PCDHGB6: variants seen among roughly 807,000 people sequenced by gnomAD.
PCDHGB6 encodes protocadherin gamma-B6.
PCDHGB6 carries 51 observed loss-of-function variants against 59.1 expected under a neutral mutation model. The ratio of observed to expected loss-of-function variants is 0.86; its 90% CI spans 0.69 to 1.09. The LOEUF (loss-of-function observed/expected upper bound fraction) is 1.09, where lower values mean the gene tolerates loss of function less well. Ranked by LOEUF, PCDHGB6 falls within the 50% of genes least tolerant of loss-of-function variation. The pLI is 0.00. For missense variants in PCDHGB6, 1,148 were observed against 1,205.1 expected (o/e 0.95, Z 0.70); for synonymous variants, 466 against 495.1 (o/e 0.94, Z 0.78).
chr5:141,507,101 T>C (rs1341285140), intron 3 of PCDHGB6: 2 of 152,204 alleles, frequency 1.3e-5, no homozygotes, highest in African/African-American at 2.4e-5. Flanking sequence ...CTTTCTACTA[T>C]AGGGACCATG....
intron 2 of PCDHGB6, among the ~76,000 whole-genome samples, chr5:141,496,279 G>C (rs902362885): frequency 1.3e-5 from 2 of 152,198 alleles, no homozygotes; most frequent in Non-Finnish European, 2.9e-5. Context: ...ACCTTCAGTT[G>C]GTCTGAGCAG....
At chr5:141,507,833 G>C (rs1184502436) in intron 3 of PCDHGB6, among the ~76,000 whole-genome samples, 2 of 152,172 alleles carry the variant, frequency 1.3e-5, no homozygotes, top group East Asian at 3.9e-4. Flanking sequence ...GGAGGTGGTG[G>C]GTCAGGCCCT....
Position 141,441,798 on chromosome 5 carries a change from CGGGT to C in PCDHGB6, c.2418+31180_2418+31183del, listed in dbSNP as rs1242635625. 6.4e-4 allele frequency: 248 copies of C among 387,326 alleles called. 2 individuals are homozygous for C. The highest frequency in any genetic ancestry group is 4.8e-3 in the African/African-American group (220 of 46,120). 24.0% of individuals were successfully genotyped at this position (387,326 alleles called of 1,614,324 possible). A position where few individuals can be genotyped will look rare whatever the true frequency, so the allele number is the denominator to read the frequency against. ...GGACGACCTGAATGACAACGCACCG[CGGGT>C]GCTGTACCCCAGCTCTGGAGCGCAA... On this transcript the variant is annotated intron_variant, in intron 1 of 3. Transcript: ENST00000520790.
chr5:141,428,459 A>C, intron 1 of PCDHGB6: 2 of 350,154 alleles, frequency 5.7e-6, no homozygotes, highest in Non-Finnish European at 5.5e-6. Context: ...CCCAACTACA[A>C]TGAGGGAACT....
intron 1 of PCDHGB6, chr5:141,428,732 T>C (rs976924838): frequency 1.3e-5 from 2 of 159,284 alleles, no homozygotes; most frequent in African/African-American, 4.8e-5. Context: ...CTTAAACATA[T>C]TATATCTACT....
At position 141,432,325 on chromosome 5, in the gene PCDHGB6, C is replaced by A; in HGVS notation, c.2418+21705C>A. 6.2e-7 allele frequency: 1 copy of A among 1,614,260 alleles called. No individual in the cohort carries two copies. The highest frequency in any genetic ancestry group is 1.1e-5 in the South Asian group (1 of 91,092). On this transcript the variant is annotated intron_variant, in intron 1 of 3. Transcript: ENST00000520790. The surrounding 1 kb of genome is among the most constrained non-coding windows in gnomAD (Gnocchi z 6.0). The stretch of plus-strand genomic sequence containing the variant: ...TGTATGCGCTGAGCTCCTTCGACTA[C>A]GAGCAGTTCCGAGACTTGCAAGTGA...
At chr5:141,418,655 G>A in intron 1 of PCDHGB6, 5 of 1,614,002 alleles carry the variant, frequency 3.1e-6, no homozygotes, top group Non-Finnish European at 4.2e-6. Flanking sequence ...GAGAGTGAAG[G>A]CCACTGACCA....
At chr5:141,503,396 A>G (rs1025780031) in intron 2 of PCDHGB6, among the ~76,000 whole-genome samples, 2 of 151,944 alleles carry the variant, frequency 1.3e-5, no homozygotes, top group African/African-American at 2.4e-5. Flanking sequence ...GGAGTTCGAA[A>G]CCAACCTGGC....
At chr5:141,447,642 T>G (rs1275164919) in intron 1 of PCDHGB6, among the ~76,000 whole-genome samples, 2 of 152,166 alleles carry the variant, frequency 1.3e-5, no homozygotes, top group Non-Finnish European at 2.9e-5. Flanking sequence ...TGAATGATGG[T>G]AGAATTTTCC....
chr5:141,487,533 T>C lies in PCDHGB6; in HGVS notation c.2419-7274T>C. On this transcript the variant is annotated intron_variant, in intron 1 of 3. Coordinates refer to ENST00000520790, the MANE Select transcript of PCDHGB6 (RefSeq NM_018926.3). This position sits in a 1 kb window ranked among gnomAD's most constrained non-coding sequence, Gnocchi z 5.0. The stretch of plus-strand genomic sequence containing the variant: ...CCCACTCGGAGTGATAGCTTCATGA[T>C]GGTGAAGTCACCCAGTGCACCTATG... 6.2e-7 allele frequency: 1 copy of C among 1,614,186 alleles called. No individual in the cohort carries two copies. Among genetic ancestry groups the C allele is most frequent in the South Asian group, 1.1e-5 (1 of 91,080 alleles).
intron 2 of PCDHGB6, among the ~76,000 whole-genome samples, chr5:141,500,231 C>T (rs992215482): frequency 1.4e-5 from 2 of 138,098 alleles, no homozygotes; most frequent in East Asian, 4.1e-4. Context: ...TTTATTGATA[C>T]GTAGCCTTGC....
Position 141,432,320 on chromosome 5 carries a change from G to A in PCDHGB6, c.2418+21700G>A, listed in dbSNP as rs369088426. 4 of 1,614,120 alleles carry A rather than the reference G, an allele frequency of 2.5e-6. No individual in the cohort carries two copies. The African/African-American group carries it at 4.0e-5, about 16-fold the overall frequency. On this transcript the variant is annotated intron_variant, in intron 1 of 3. Coordinates refer to ENST00000520790, the MANE Select transcript of PCDHGB6 (RefSeq NM_018926.3). The surrounding 1 kb of genome is among the most constrained non-coding windows in gnomAD (Gnocchi z 6.0). ...GGTACTGTATGCGCTGAGCTCCTTC[G>A]ACTACGAGCAGTTCCGAGACTTGCA...
chr5:141,408,850 C>T lies in PCDHGB6; in HGVS notation c.648C>T (p.Asp216=), dbSNP rs2095179070. ...RSHSLILTAL[D]GGDPPRSATA... ...ATAGCTTGATATTGACTGCCTTGGA[C>T]GGAGGGGACCCACCAAGAAGTGCCA... Residue 216 remains aspartate (D), a synonymous_variant, in exon 1 of 4, where the codon GAC becomes GAT. Transcript: ENST00000520790. 2 of 1,613,554 alleles carry T rather than the reference C, an allele frequency of 1.2e-6. No individual in the cohort carries two copies. The highest frequency in any genetic ancestry group is 1.1e-5 in the South Asian group (1 of 90,990).
In PCDHGB6 at chr5:141,427,541, C is replaced by G. The variant is rs541988301; in HGVS notation, c.2418+16921C>G. ...AGCGGATCCCGGAGTACAACGTCACCATCACTGCCACTGACAAGGGCAAGC... is the reference window on the plus strand; with the variant it reads ...AGCGGATCCCGGAGTACAACGTCACGATCACTGCCACTGACAAGGGCAAGC... On this transcript the variant is annotated intron_variant, in intron 1 of 3. Coordinates refer to ENST00000520790, the MANE Select transcript of PCDHGB6 (RefSeq NM_018926.3). 3.1e-5 allele frequency: 20 copies of G among 635,320 alleles called. No individual in the cohort carries two copies. The African/African-American group carries it at 3.6e-4, about 11-fold the overall frequency. The allele number at this position is 635,320 out of a possible 1,614,324, so 39.4% of individuals were successfully genotyped here.
At chr5:141,488,157 C>T (rs565677003) in intron 1 of PCDHGB6, among the ~76,000 whole-genome samples, 2 of 152,216 alleles carry the variant, frequency 1.3e-5, no homozygotes, top group South Asian at 2.1e-4. Context: ...TAGAGAGGCA[C>T]GCATCAGAGT....
intron 1 of PCDHGB6, chr5:141,413,071 G>A (rs1589838233): frequency 1.7e-6 from 2 of 1,211,262 alleles, no homozygotes; most frequent in Admixed American, 2.8e-5. Flanking sequence ...AATTTAAAGT[G>A]CCCAGGCTAC....
chr5:141,423,883 A>G, intron 1 of PCDHGB6: 2 of 1,283,462 alleles, frequency 1.6e-6, no homozygotes, highest in Non-Finnish European at 2.0e-6. Context: ...CAATCTTGGC[A>G]TATTTTCTTT....
At chr5:141,488,564 G>T (rs1047904416) in intron 1 of PCDHGB6, among the ~76,000 whole-genome samples, 1 of 152,154 alleles carries the variant, frequency 6.6e-6, no homozygotes, top group African/African-American at 2.4e-5. Context: ...TGAGATTTCC[G>T]CAAAGCATTG....
chr5:141,436,555 G>A (rs562422182), intron 1 of PCDHGB6, among the ~76,000 whole-genome samples: 1 of 152,252 alleles, frequency 6.6e-6, no homozygotes, highest in South Asian at 2.1e-4. Flanking sequence ...TTGAGCTTCA[G>A]CAAAGTAGGA....
Sources: allele counts gnomAD v4.1 joint callset (sites outside exome capture counted in the v4.1 genomes callset), GRCh38; gene constraint gnomAD v4.1.1; non-coding constraint Gnocchi (gnomAD v3.1); transcripts MANE v1.5; gene names NCBI Gene and HGNC (gene_info 2026-07-23, HGNC 2026-07-21).